The following CYTH3 variants were observed in gnomAD, a reference collection of about 807,000 sequenced individuals.
CYTH3 encodes the protein cytohesin 3.
CYTH3 carries 23 observed loss-of-function variants against 55.1 expected under a neutral mutation model. The observed-to-expected ratio is 0.42, with a 90% confidence interval of 0.30 to 0.59. CYTH3 has a LOEUF of 0.59. Ranked by LOEUF, CYTH3 falls within the 20% of genes least tolerant of loss-of-function variation. CYTH3 has a pLI of 0.20. For synonymous variants in CYTH3, 249 were observed against 194.9 expected (o/e 1.28, Z -2.31); for missense variants, 413 against 524.8 (o/e 0.79, Z 2.08).
intron 1 of CYTH3, among the ~76,000 whole-genome samples, chr7:6,266,485 G>T (rs1423240797): frequency 2.0e-5 from 3 of 152,152 alleles, no homozygotes. Context: ...TCTTTCAGCG[G>T]CTTCATGTAC....
At chr7:6,197,882 A>G (rs928888064) in intron 1 of CYTH3, among the ~76,000 whole-genome samples, 1 of 152,150 alleles carries the variant, frequency 6.6e-6, no homozygotes, top group South Asian at 2.1e-4. Flanking sequence ...GCTTGAGGCC[A>G]GGAGTTTGAG....
Position 6,177,952 on chromosome 7 carries a change from T to A in CYTH3, c.250-11A>T, listed in dbSNP as rs753964997. 3.1e-6 allele frequency: 5 copies of A among 1,595,274 alleles called. No individual in the cohort carries two copies. The highest frequency in any genetic ancestry group is 4.3e-6 in the Non-Finnish European group (5 of 1,162,926). ...TAGAAACTGAATTCCCTGAAGAACA[T>A]TAAAATGGAAGCACTGGTTAGGAGT... On this transcript the variant is annotated splice_polypyrimidine_tract_variant and intron_variant, in intron 4 of 12. Coordinates refer to ENST00000350796, the MANE Select transcript of CYTH3 (RefSeq NM_004227.4).
At position 6,171,735 on chromosome 7, in the gene CYTH3, G is replaced by A. The variant is rs1024619121; in HGVS notation, c.450-421C>T. 24 of 202,886 alleles carry A rather than the reference G, an allele frequency of 1.2e-4. No individual in the cohort carries two copies. The highest frequency in any genetic ancestry group is 3.2e-4 in the African/African-American group (14 of 44,062). 12.6% of individuals were successfully genotyped at this position (202,886 alleles called of 1,614,324 possible). Reference sequence around the variant, plus strand: ...AAGGCAGAGCCATAGCCCACAGGACGGTATCCAAAGCCCCACCTACAGCAC... The same window carrying A: ...AAGGCAGAGCCATAGCCCACAGGACAGTATCCAAAGCCCCACCTACAGCAC... On this transcript the variant is annotated intron_variant, in intron 6 of 12. Coordinates refer to ENST00000350796, the MANE Select transcript of CYTH3 (RefSeq NM_004227.4). The surrounding 1 kb of genome is among the most constrained non-coding windows in gnomAD (Gnocchi z 6.7).
chr7:6,256,192 T>C (rs930898010), intron 1 of CYTH3, among the ~76,000 whole-genome samples: 2 of 152,364 alleles, frequency 1.3e-5, no homozygotes, highest in Admixed American at 1.3e-4. Flanking sequence ...CATTTCGTGA[T>C]GGCTGAAACC....
At chr7:6,213,261 G>A (rs989384124) in intron 1 of CYTH3, among the ~76,000 whole-genome samples, 5 of 152,164 alleles carry the variant, frequency 3.3e-5, no homozygotes, top group Admixed American at 1.3e-4. Context: ...ATGTTTATTA[G>A]CTCTTTGCAA....
At chr7:6,168,269 A>G (rs1361799632) in intron 9 of CYTH3, among the ~76,000 whole-genome samples, 2 of 145,602 alleles carry the variant, frequency 1.4e-5, no homozygotes, top group South Asian at 4.3e-4. Context: ...TCGAAGTCTT[A>G]AGTTACCAAC....
At chr7:6,228,145 C>T (rs1779299155) in intron 1 of CYTH3, among the ~76,000 whole-genome samples, 1 of 152,226 alleles carries the variant, frequency 6.6e-6, no homozygotes, top group Non-Finnish European at 1.5e-5. Context: ...GAAATTATTT[C>T]CTTGATTCTC....
In CYTH3 at chr7:6,171,165, G is replaced by T. The variant is rs779399250; in HGVS notation, c.562+37C>A. The stretch of plus-strand genomic sequence containing the variant: ...CGCCCCCTCCAGAGCTGGAGGCTGT[G>T]CCTGGCAAGGGGCCAGGCTGTGGGC... On this transcript the variant is annotated intron_variant, in intron 7 of 12. Transcript: ENST00000350796. This position sits in a 1 kb window ranked among gnomAD's most constrained non-coding sequence, Gnocchi z 6.7. The T allele has an allele frequency of 5.0e-6, 8 of 1,609,836 alleles. No individual in the cohort carries two copies. Among genetic ancestry groups the T allele is most frequent in the Middle Eastern group, 1.7e-4 (1 of 6,018 alleles).
intron 1 of CYTH3, among the ~76,000 whole-genome samples, chr7:6,217,295 A>G (rs1784450430): frequency 6.6e-6 from 1 of 152,254 alleles, no homozygotes; most frequent in Non-Finnish European, 1.5e-5. Flanking sequence ...AAAATTATAC[A>G]TGACCCACCT....
chr7:6,183,569 A>G (rs1227363110), intron 4 of CYTH3, among the ~76,000 whole-genome samples: 2 of 152,176 alleles, frequency 1.3e-5, no homozygotes, highest in South Asian at 2.1e-4. Flanking sequence ...TCACTCTGAG[A>G]CTTAGAAAAC....
chr7:6,258,883 A>T (rs1031320371), intron 1 of CYTH3, among the ~76,000 whole-genome samples: 7 of 152,236 alleles, frequency 4.6e-5, no homozygotes, highest in African/African-American at 1.7e-4. Context: ...ATATTATCAA[A>T]TTGTGGTTTT....
chr7:6,238,809 C>G (rs1161678863), intron 1 of CYTH3, among the ~76,000 whole-genome samples: 1 of 152,050 alleles, frequency 6.6e-6, no homozygotes, highest in African/African-American at 2.4e-5. Context: ...TATATGGGAG[C>G]TCTTTATTTT....
intron 1 of CYTH3, among the ~76,000 whole-genome samples, chr7:6,210,860 T>G (rs1030348303): frequency 1.3e-5 from 2 of 152,204 alleles, no homozygotes; most frequent in African/African-American, 4.8e-5. Context: ...GTTGTTACAC[T>G]TAAAATGCTT....
At chr7:6,247,933 C>G (rs958419950) in intron 1 of CYTH3, among the ~76,000 whole-genome samples, 15 of 151,988 alleles carry the variant, frequency 9.9e-5, no homozygotes, top group African/African-American at 3.4e-4. Flanking sequence ...TCCCAAAGCG[C>G]TGGGAATACA....
Position 6,164,816 on chromosome 7 carries a change from G to T in CYTH3, c.*128C>A. 3 of 1,064,536 alleles carry T rather than the reference G, an allele frequency of 2.8e-6. No homozygotes were observed. Among genetic ancestry groups the T allele is most frequent in the Non-Finnish European group, 4.3e-6 (3 of 702,904 alleles). 65.9% of individuals were successfully genotyped at this position (1,064,536 alleles called of 1,614,324 possible). A position where few individuals can be genotyped will look rare whatever the true frequency, so the allele number is the denominator to read the frequency against. On this transcript the variant is annotated 3_prime_UTR_variant, in exon 13 of 13. Coordinates refer to ENST00000350796, the MANE Select transcript of CYTH3 (RefSeq NM_004227.4). ...CCTTGGGGATACCACCTGGGCCACG[G>T]TATGCTCTGGAGCAGCAGCTTGCAC...
chr7:6,166,158 C>G (rs1158388158), intron 9 of CYTH3, among the ~76,000 whole-genome samples: 1 of 152,230 alleles, frequency 6.6e-6, no homozygotes, highest in African/African-American at 2.4e-5. Flanking sequence ...CTGACCCCAC[C>G]ATGTCAGGTG....
intron 1 of CYTH3, among the ~76,000 whole-genome samples, chr7:6,215,607 A>T (rs987488000): frequency 6.6e-6 from 1 of 151,078 alleles, no homozygotes; most frequent in East Asian, 1.9e-4. Flanking sequence ...AAAAAAAAAA[A>T]GACAAATAAG....
rs1269972455 is a variant in CYTH3 at position 6,169,721 on chromosome 7, GCCTTTAGAGC to G, written c.823+804_823+813del. ...GTAATTGCCCTAAATTGCTCCAAAG[GCCTTTAGAGC>G]ACTCCCGAAATCTCTCCATGCGCTG... On this transcript the variant is annotated intron_variant, in intron 9 of 12. Transcript: ENST00000350796. This position sits in a 1 kb window ranked among gnomAD's most constrained non-coding sequence, Gnocchi z 4.1. Among the ~76,000 whole-genome samples, 1 of 152,100 alleles carries G rather than the reference GCCTTTAGAGC, an allele frequency of 6.6e-6. No individual in the cohort carries two copies. The highest frequency in any genetic ancestry group is 1.5e-5 in the Non-Finnish European group (1 of 68,028).
intron 1 of CYTH3, among the ~76,000 whole-genome samples, chr7:6,214,344 T>C (rs10244640): frequency 0.11 from 16,414 of 152,216 alleles, 2,398 homozygotes; most frequent in African/African-American, 0.33. Context: ...AAGAAATAAA[T>C]TTTAAAAGCC....
Sources: allele counts gnomAD v4.1 joint callset (sites outside exome capture counted in the v4.1 genomes callset), GRCh38; gene constraint gnomAD v4.1.1; non-coding constraint Gnocchi (gnomAD v3.1); transcripts MANE v1.5; gene names NCBI Gene and HGNC (gene_info 2026-07-23, HGNC 2026-07-21).